The following JPH3 variants were observed in gnomAD, a reference collection of about 807,000 sequenced individuals.
JPH3 encodes the protein junctophilin-3.
A neutral mutation model predicts 59.6 loss-of-function variants in JPH3; 11 were observed. The ratio of observed to expected loss-of-function variants is 0.18; its 90% CI spans 0.12 to 0.31. The LOEUF (loss-of-function observed/expected upper bound fraction) is 0.31. Ranked by LOEUF, JPH3 falls within the 10% of genes least tolerant of loss-of-function variation. JPH3 has a pLI of 1.00. For synonymous variants in JPH3, 673 were observed against 483.6 expected (o/e 1.39, Z -5.14); for missense variants, 1,202 against 1,105.7 (o/e 1.09, Z -1.24).
At chr16:87,614,739 G>A (rs1184421989) in intron 1 of JPH3, among the ~76,000 whole-genome samples, 8 of 138,736 alleles carry the variant, frequency 5.8e-5, no homozygotes, top group East Asian at 2.2e-4. Flanking sequence ...GGAGCCGCGC[G>A]TCCCCTCCCG....
intron 4 of JPH3, 21 bp from the exon 5 acceptor site, chr16:87,696,559 C>T (rs1239071395): frequency 6.2e-7 from 1 of 1,609,330 alleles, no homozygotes; most frequent in Non-Finnish European, 8.5e-7. Context: ...TCGCTCACCT[C>T]TTCCCCTCGC....
At chr16:87,666,733 C>T (rs2032875843) in intron 2 of JPH3, among the ~76,000 whole-genome samples, 5 of 152,306 alleles carry the variant, frequency 3.3e-5, no homozygotes, top group African/African-American at 7.2e-5. Flanking sequence ...GGTGCATGGC[C>T]ACCTGATGGA....
At chr16:87,680,307 C>T (rs1447949208) in intron 2 of JPH3, among the ~76,000 whole-genome samples, 1 of 151,884 alleles carries the variant, frequency 6.6e-6, no homozygotes, top group African/African-American at 2.4e-5. Flanking sequence ...GGCTTCAGGA[C>T]TGGTGACGAT....
chr16:87,644,915 A>T lies in JPH3; in HGVS notation c.1040A>T (p.Lys347Met). Residue 347 changes from lysine (K) to methionine (M), a missense_variant, in exon 2 of 5, where the codon AAG becomes ATG. Lys to Met is a moderately conservative substitution (Grantham distance 95). Transcript: ENST00000284262. ...KYKQNILVGG[K>M]RKNLIPLRAS... is the part of the protein sequence containing the mutation. The stretch of plus-strand genomic sequence containing the variant: ...AAGCAGAACATCCTCGTCGGCGGCA[A>T]GCGCAAGAACCTCATCCCCCTGCGG... The T allele has an allele frequency of 6.2e-7, 1 of 1,612,926 alleles. No homozygotes were observed. The highest frequency in any genetic ancestry group is 8.5e-7 in the Non-Finnish European group (1 of 1,179,910).
intron 2 of JPH3, among the ~76,000 whole-genome samples, chr16:87,664,403 T>A (rs1325999418): frequency 6.7e-6 from 1 of 149,232 alleles, no homozygotes; most frequent in Non-Finnish European, 1.5e-5. Context: ...GGTGGGTGGA[T>A]CACTTGAGGT....
chr16:87,654,315 C>A (rs928891054), intron 2 of JPH3: 2 of 151,574 alleles, frequency 1.3e-5, no homozygotes, highest in African/African-American at 4.9e-5. Flanking sequence ...GAAACACTTA[C>A]TTGTCCCCCT....
At chr16:87,646,339 G>A (rs1173827418) in intron 2 of JPH3, among the ~76,000 whole-genome samples, 3 of 152,216 alleles carry the variant, frequency 2.0e-5, no homozygotes, top group African/African-American at 7.2e-5. Context: ...AATCAAGATC[G>A]ATTCCAAGAA....
intron 2 of JPH3, among the ~76,000 whole-genome samples, chr16:87,662,923 G>C (rs2032751221): frequency 6.6e-6 from 1 of 152,144 alleles, no homozygotes; most frequent in African/African-American, 2.4e-5. Context: ...CGGACTTCCA[G>C]CACCCCTTCG....
intron 2 of JPH3, among the ~76,000 whole-genome samples, chr16:87,675,279 C>T (rs1271618416): frequency 6.6e-6 from 1 of 151,566 alleles, no homozygotes; most frequent in Non-Finnish European, 1.5e-5. Flanking sequence ...ACTCCTCCTG[C>T]CTCCCAGGCC....
At chr16:87,603,652 T>A in intron 1 of JPH3, 124 bp downstream of exon 1, 1 of 1,228,440 alleles carries the variant, frequency 8.1e-7, no homozygotes, top group Non-Finnish European at 1.1e-6. Context: ...CAGGGGCCTT[T>A]CCCGGGCTTC....
At position 87,697,305 on chromosome 16, in the gene JPH3, C is replaced by G. The variant is rs978958768; in HGVS notation, c.*645C>G. The G allele has an allele frequency of 1.3e-5, 2 of 152,582 alleles. No individual in the cohort carries two copies. Among genetic ancestry groups the G allele is most frequent in the African/African-American group, 4.8e-5 (2 of 41,456 alleles). The allele number at this position is 152,582 out of a possible 1,614,324, so 9.5% of individuals were successfully genotyped here. A position where few individuals can be genotyped will look rare whatever the true frequency, so the allele number is the denominator to read the frequency against. On this transcript the variant is annotated 3_prime_UTR_variant, in exon 5 of 5. Coordinates refer to ENST00000284262, the MANE Select transcript of JPH3 (RefSeq NM_020655.4). ...TCTTCTCGGCACTGCCCCCGGCCTTCCATGAGAAGCCGACTCCCCACACCG... is the reference window on the plus strand; with the variant it reads ...TCTTCTCGGCACTGCCCCCGGCCTTGCATGAGAAGCCGACTCCCCACACCG...
intron 1 of JPH3, among the ~76,000 whole-genome samples, chr16:87,631,489 T>A (rs1212528784): frequency 2.0e-5 from 3 of 152,196 alleles, no homozygotes; most frequent in Admixed American, 2.0e-4. Context: ...CCTTCATTTG[T>A]GATCTGTTTT....
chr16:87,683,594 G>GCCC (rs2033347211), intron 2 of JPH3, among the ~76,000 whole-genome samples: 3 of 142,572 alleles, frequency 2.1e-5, no homozygotes, highest in East Asian at 4.3e-4. Flanking sequence ...GTGAGCCACT[G>GCCC]TGCCCAGCCC....
At chr16:87,665,064 C>T (rs974339683) in intron 2 of JPH3, among the ~76,000 whole-genome samples, 2 of 152,240 alleles carry the variant, frequency 1.3e-5, no homozygotes, top group African/African-American at 4.8e-5. Flanking sequence ...AAACAGGAAC[C>T]ATCCGGCCCT....
At chr16:87,659,632 T>C (rs958330495) in intron 2 of JPH3, among the ~76,000 whole-genome samples, 2 of 150,972 alleles carry the variant, frequency 1.3e-5, no homozygotes, top group African/African-American at 4.9e-5. Flanking sequence ...ACTCAGGAGG[T>C]TGAGGCAGGA....
intron 2 of JPH3, among the ~76,000 whole-genome samples, chr16:87,669,320 G>A (rs1457531094): frequency 6.6e-6 from 1 of 152,248 alleles, no homozygotes; most frequent in South Asian, 2.1e-4. Flanking sequence ...CAGATGGGAT[G>A]TCTGGGCTCC....
chr16:87,633,124 C>A (rs1023451587), intron 1 of JPH3, among the ~76,000 whole-genome samples: 4 of 152,176 alleles, frequency 2.6e-5, no homozygotes, highest in African/African-American at 7.2e-5. Context: ...ATACCACAGA[C>A]AGCATGGCTT....
At chr16:87,640,637 C>G (rs991225482) in intron 1 of JPH3, among the ~76,000 whole-genome samples, 8 of 152,134 alleles carry the variant, frequency 5.3e-5, no homozygotes, top group African/African-American at 1.9e-4. Context: ...AGGTGATCTG[C>G]TCGCCTCGGC....
intron 2 of JPH3, among the ~76,000 whole-genome samples, chr16:87,649,877 C>A (rs533315259): frequency 1.3e-4 from 20 of 152,322 alleles, no homozygotes; most frequent in African/African-American, 4.8e-4. Context: ...CCTGCAGCCC[C>A]GCAAAGCCTG....
Sources: gnomAD v4.1 joint callset for allele counts (sites outside exome capture counted in the v4.1 genomes callset) on GRCh38, gnomAD v4.1.1 for gene constraint, MANE v1.5 for transcripts, NCBI Gene and HGNC (gene_info 2026-07-23, HGNC 2026-07-21) for gene names.